ZNF594: variants seen among roughly 807,000 people sequenced by gnomAD.
The protein encoded by ZNF594 is zinc finger protein HZF18.
For synonymous variants in ZNF594, 336 were observed against 309.4 expected, an observed-to-expected ratio of 1.09 and a Z score of -0.90; for missense variants, 1,037 against 964.6, an observed-to-expected ratio of 1.08 and a Z score of -0.99.
At position 5,184,127 on chromosome 17, in the gene ZNF594, A is replaced by C. The variant is rs564052286; in HGVS notation, c.130T>G (p.Leu44Val). 1.2e-4 allele frequency: 190 copies of C among 1,614,166 alleles called. No individual in the cohort carries two copies. The South Asian group carries it at 1.9e-3, about 16-fold the overall frequency. Reference protein sequence around the residue: ...LVETSNSEDRLLKHWVSPLKD... With the variant: ...LVETSNSEDRVLKHWVSPLKD... ...AAAGGGCTTACCCAGTGCTTCAATA[A>C]TCTGTCCTCAGAATTACTGGTTTCA... The change falls in exon 2 of 2, where the codon TTA becomes GTA. Residue 44 changes from leucine (L) to valine (V), a missense_variant. Leu to Val is a conservative substitution (Grantham distance 32). Transcript: ENST00000575779.
In ZNF594 at chr17:5,183,261, G is replaced by T. The variant is rs1202060308; in HGVS notation, c.996C>A (p.Phe332Leu). The T allele has an allele frequency of 1.2e-6, 2 of 1,614,128 alleles. No homozygotes were observed. Among genetic ancestry groups the T allele is most frequent in the Admixed American group, 3.3e-5 (2 of 60,028 alleles). Residue 332 changes from phenylalanine (F) to leucine (L), a missense_variant, in exon 2 of 2, where the codon TTC (phenylalanine) becomes TTA (leucine). Transcript: ENST00000575779. ...GTTTAAGAAAAGCTGTGCGCCCACT[G>T]AAGGTCTTCCCACATCTGTGACATT... is the stretch of plus-strand genomic sequence containing the variant. ...PYECHRCGKTFSGRTAFLKHQ... is the reference protein window; with the variant it reads ...PYECHRCGKTLSGRTAFLKHQ...
In ZNF594 at chr17:5,181,521, T is replaced by C. The variant is rs763176141; in HGVS notation, c.*312A>G. The C allele has an allele frequency of 6.2e-6, 10 of 1,613,872 alleles. No homozygotes were observed. The highest frequency in any genetic ancestry group is 1.3e-5 in the African/African-American group (1 of 74,896). ...TCTCTGATGTTTGAGGAAAGCTGTG[T>C]GCCACATGAAGAGTTTCCCACATTC... is the stretch of plus-strand genomic sequence containing the variant. On this transcript the variant is annotated 3_prime_UTR_variant, in exon 2 of 2. Coordinates refer to ENST00000575779, the MANE Select transcript of ZNF594 (RefSeq NM_032530.2).
Position 5,182,849 on chromosome 17 carries a change from T to A in ZNF594, c.1408A>T (p.Ser470Cys). 1 of 1,614,116 alleles carries A rather than the reference T, an allele frequency of 6.2e-7. No homozygotes were observed. The highest frequency in any genetic ancestry group is 1.1e-5 in the South Asian group (1 of 91,082). The change falls in exon 2 of 2, where the codon AGC becomes TGC. Residue 470 changes from serine (S) to cysteine (C), a missense_variant. Ser to Cys is a moderately radical substitution (Grantham distance 112). Coordinates refer to ENST00000575779, the MANE Select transcript of ZNF594 (RefSeq NM_032530.2). Reference protein sequence around the residue: ...YECSECGKAFSQRSHLVTHQK... With the variant: ...YECSECGKAFCQRSHLVTHQK... The stretch of plus-strand genomic sequence containing the variant: ...TGTGTAACAAGGTGTGACCTCTGGC[T>A]AAAGGCTTTCCCACATTCACTACAT...
At chr17:5,176,152 T>C (rs1275055293), downstream of ZNF594, among the ~76,000 whole-genome samples, 1 of 152,116 alleles carries the variant, frequency 6.6e-6, no homozygotes, top group East Asian at 1.9e-4. Context: ...TCCCAGCACT[T>C]TGGAAGGCCA....
At position 5,190,092 on chromosome 17, in the gene ZNF594, C is replaced by T. The variant is rs370336281; in HGVS notation, c.-21+1656G>A. 1.4e-4 allele frequency among the ~76,000 whole-genome samples: 21 copies of T among 152,262 alleles called. 1 individual carries two copies. In the South Asian group the frequency reaches 3.1e-3, roughly 23 times the overall value. On this transcript the variant is annotated intron_variant, in intron 1 of 1. Transcript: ENST00000575779. The stretch of plus-strand genomic sequence containing the variant: ...AAGAAAAGAGCAAACACAGGCCGGG[C>T]GCAGTGGCTCACACCTGTAATTCCA...
downstream of ZNF594, chr17:5,174,567 C>T: frequency 5.2e-6 from 1 of 193,434 alleles, no homozygotes. Flanking sequence ...ACAAAATGCA[C>T]ACTTTATAGT....
Position 5,182,026 on chromosome 17 carries a change from T to C in ZNF594, c.2231A>G (p.Lys744Arg), listed in dbSNP as rs2074345735. 6.2e-7 allele frequency: 1 copy of C among 1,613,600 alleles called. No homozygotes were observed. Among genetic ancestry groups the C allele is most frequent in the South Asian group, 1.1e-5 (1 of 91,072 alleles). The change falls in exon 2 of 2, where the codon AAG becomes AGG. Residue 744 changes from lysine (K) to arginine (R), a missense_variant. Physicochemically the swap from Lys to Arg is conservative, Grantham distance 26. Coordinates refer to ENST00000575779, the MANE Select transcript of ZNF594 (RefSeq NM_032530.2). The part of the protein sequence containing the change: ...KLEECEKTFS[K>R]DEELRKEQRT... ...CTGCTCTTTTCTAAGCTCCTCATCC[T>C]TGCTGAAGGTTTTCTCACATTCTTC...
chr17:5,175,521 C>T (rs1567821764), downstream of ZNF594, among the ~76,000 whole-genome samples: 1 of 152,116 alleles, frequency 6.6e-6, no homozygotes, highest in Non-Finnish European at 1.5e-5. Context: ...GAGGGTAGAA[C>T]AAGATCTCTC....
chr17:5,175,292 C>T (rs147099355), downstream of ZNF594, among the ~76,000 whole-genome samples: 761 of 152,278 alleles, frequency 5.0e-3, 33 homozygotes, highest in South Asian at 0.085. Context: ...CCTGTTAGAT[C>T]AGCAGCGGCA....
chr17:5,186,251 C>T (rs2074385655), intron 1 of ZNF594, among the ~76,000 whole-genome samples: 1 of 152,236 alleles, frequency 6.6e-6, no homozygotes, highest in African/African-American at 2.4e-5. Flanking sequence ...GTTCCCAAAC[C>T]TCAATTCTTG....
At chr17:5,189,256 C>T (rs2074406694) in intron 1 of ZNF594, among the ~76,000 whole-genome samples, 2 of 93,738 alleles carry the variant, frequency 2.1e-5, no homozygotes, top group Non-Finnish European at 2.4e-5. Flanking sequence ...ATTTTTTTTT[C>T]ACTTTTTTTT....
intron 1 of ZNF594, among the ~76,000 whole-genome samples, chr17:5,189,537 C>T (rs2074408496): frequency 6.7e-6 from 1 of 150,028 alleles, no homozygotes; most frequent in East Asian, 2.0e-4. Context: ...CTGTGCCCAG[C>T]TTGTTTTGTT....
At chr17:5,176,395 CAAAA>C (rs34510280), downstream of ZNF594, among the ~76,000 whole-genome samples, 2 of 85,616 alleles carry the variant, frequency 2.3e-5, no homozygotes, top group Non-Finnish European at 4.7e-5. Context: ...AACTCTGTCT[CAAAA>C]AAAAAAAAAA....
At chr17:5,178,319 G>T (rs2074318662), downstream of ZNF594, among the ~76,000 whole-genome samples, 1 of 151,814 alleles carries the variant, frequency 6.6e-6, no homozygotes, top group Non-Finnish European at 1.5e-5. Flanking sequence ...AAAAATACGA[G>T]AAAAACATAT....
intron 1 of ZNF594, among the ~76,000 whole-genome samples, chr17:5,184,611 G>A (rs35737661): frequency 0.038 from 5,750 of 152,310 alleles, 125 homozygotes; most frequent in Non-Finnish European, 0.043. Flanking sequence ...GGATGGTGTG[G>A]CTGGGCCTGA....
rs2074333963 is a variant in ZNF594 at position 5,180,852 on chromosome 17, T to C, written c.*981A>G. 1 of 433,128 alleles carries C rather than the reference T, an allele frequency of 2.3e-6. No individual in the cohort carries two copies. The highest frequency in any genetic ancestry group is 4.3e-6 in the Non-Finnish European group (1 of 233,228). 26.8% of individuals were successfully genotyped at this position (433,128 alleles called of 1,614,324 possible). A position where few individuals can be genotyped will look rare whatever the true frequency, so the allele number is the denominator to read the frequency against. On this transcript the variant is annotated 3_prime_UTR_variant, in exon 2 of 2. Transcript: ENST00000575779. The stretch of plus-strand genomic sequence containing the variant: ...TGCTTTCCCACCTTCCCATGGTTTT[T>C]TTCTAATAAAACTCATTTGTAGTGC...
chr17:5,175,828 G>A (rs141420521), downstream of ZNF594, among the ~76,000 whole-genome samples: 38 of 151,596 alleles, frequency 2.5e-4, no homozygotes, highest in East Asian at 7.0e-3. Flanking sequence ...AGAGATGAAG[G>A]TGACAGCTGT....
rs2074337159 is a variant in ZNF594, at chr17:5,181,216, A to G, written c.*617T>C. On this transcript the variant is annotated 3_prime_UTR_variant, in exon 2 of 2. Coordinates refer to ENST00000575779, the MANE Select transcript of ZNF594 (RefSeq NM_032530.2). ...GAGCTGCCCCTAAAAGATTTCCCAC[A>G]TTTGTTGCATACATAAGGTTTTTCT... The G allele has an allele frequency of 1.5e-5, 24 of 1,611,948 alleles. No homozygotes were observed. The highest frequency in any genetic ancestry group is 2.0e-5 in the Non-Finnish European group (24 of 1,178,056).
downstream of ZNF594, among the ~76,000 whole-genome samples, chr17:5,177,298 C>T (rs540260946): frequency 4.6e-5 from 7 of 152,146 alleles, no homozygotes; most frequent in Non-Finnish European, 2.9e-5. Context: ...AACCAATATC[C>T]GGAACCAAAA....
Sources: allele counts gnomAD v4.1 joint callset (sites outside exome capture counted in the v4.1 genomes callset), GRCh38; gene constraint gnomAD v4.1.1; transcripts MANE v1.5; gene names NCBI Gene and HGNC (gene_info 2026-07-23, HGNC 2026-07-21).